Variants in RSF1 observed in about 807,000 individuals in gnomAD.
RSF1 encodes remodeling and spacing factor 1, also known as HBV pX-associated protein 8.
RSF1 carries 13 observed loss-of-function variants against 145.2 expected under a neutral mutation model. That is an observed-to-expected ratio of 0.09 (90% CI 0.06 to 0.14). The LOEUF is 0.14. RSF1 is among the 10% of genes least tolerant of loss of function. The pLI, the probability that RSF1 is intolerant of heterozygous loss-of-function variation, is 1.00. For missense variants in RSF1, 1,517 were observed against 1,718.2 expected, an observed-to-expected ratio of 0.88 and a Z score of 2.07; for synonymous variants, 577 against 592.6, an observed-to-expected ratio of 0.97 and a Z score of 0.38.
Position 77,820,614 on chromosome 11 carries a change from C to T in RSF1, c.101G>A (p.Gly34Glu). Residue 34 changes from glycine to glutamate, a missense_variant, in exon 1 of 16, where the codon GGG becomes GAG. Physicochemically the swap from Gly to Glu is moderately conservative, Grantham distance 98. Transcript: ENST00000308488. ...CAACTCAGGCAGGTCTAGCAGCGGC[C>T]CGTAGCGCTCCAAGAAGGAGCAGAC... ...AVVCSFLERY[G>E]PLLDLPELPF... The T allele has an allele frequency of 6.4e-7, 1 of 1,567,010 alleles. No individual in the cohort carries two copies. The highest frequency in any genetic ancestry group is 1.2e-5 in the South Asian group (1 of 85,226).
intron 4 of RSF1, chr11:77,739,519 C>T (rs952788795): frequency 6.6e-6 from 1 of 152,120 alleles, no homozygotes; most frequent in Non-Finnish European, 1.5e-5. Context: ...GCTTATGAAA[C>T]AATCTCCCAT....
intron 11 of RSF1, among the ~76,000 whole-genome samples, chr11:77,678,928 T>G (rs1959786620): frequency 6.6e-6 from 1 of 152,216 alleles, no homozygotes; most frequent in African/African-American, 2.4e-5. Flanking sequence ...TAAATTTCTG[T>G]TGATTATAGG....
At chr11:77,717,156 C>CA (rs112077337) in intron 5 of RSF1, among the ~76,000 whole-genome samples, 114 of 85,532 alleles carry the variant, frequency 1.3e-3, no homozygotes, top group Non-Finnish European at 1.4e-3. Flanking sequence ...CCAGCATGGG[C>CA]AAAAAAAAAA....
At chr11:77,679,672 CAAAAA>C (rs529571713) in intron 11 of RSF1, among the ~76,000 whole-genome samples, 33 of 84,562 alleles carry the variant, frequency 3.9e-4, no homozygotes, top group African/African-American at 1.1e-3. Context: ...GACCCTGTCT[CAAAAA>C]AAAAAAAAAG....
At chr11:77,847,635 C>T in the RSF1 span, among the ~76,000 whole-genome samples, 1 of 152,152 alleles carries the variant, frequency 6.6e-6, no homozygotes, top group African/African-American at 2.4e-5. Context: ...CAAATGGCTC[C>T]ATCAGAGTGA....
intron 1 of RSF1, among the ~76,000 whole-genome samples, chr11:77,804,773 T>C (rs1264818138): frequency 6.6e-6 from 1 of 152,204 alleles, no homozygotes; most frequent in African/African-American, 2.4e-5. Flanking sequence ...AAGGCTGCAG[T>C]AAGCCGTGAT....
At chr11:77,868,420 G>A in the RSF1 span, among the ~76,000 whole-genome samples, 1 of 126,832 alleles carries the variant, frequency 7.9e-6, no homozygotes, top group Non-Finnish European at 1.6e-5. Flanking sequence ...GTGCAATGGC[G>A]TGATCTCAGC....
intron 2 of RSF1, among the ~76,000 whole-genome samples, chr11:77,758,929 T>C (rs938291923): frequency 2.6e-5 from 4 of 152,240 alleles, no homozygotes; most frequent in Admixed American, 1.3e-4. Context: ...TGTCCTTTGA[T>C]GTACAAATGT....
rs746692949 is a variant in RSF1, at chr11:77,704,148, G to T, written c.734-1653C>A. On this transcript the variant is annotated intron_variant, in intron 5 of 15. Transcript: ENST00000308488. ...GTCTCTACAAAAAATACAAAAAGTA[G>T]CCGGGGCATGGTGGTGTGTGCTTGT... 1.0e-3 allele frequency among the ~76,000 whole-genome samples: 152 copies of T among 152,078 alleles called. 1 individual carries two copies. Among genetic ancestry groups the T allele is most frequent in the Non-Finnish European group, 1.3e-3 (89 of 68,002 alleles).
chr11:77,668,983 G>A (rs544498604), intron 15 of RSF1, among the ~76,000 whole-genome samples: 1 of 152,198 alleles, frequency 6.6e-6, no homozygotes, highest in South Asian at 2.1e-4. Flanking sequence ...TCGACATCTA[G>A]GCTTGGATAT....
chr11:77,811,029 T>C (rs530420008), intron 1 of RSF1, among the ~76,000 whole-genome samples: 12 of 152,278 alleles, frequency 7.9e-5, no homozygotes, highest in African/African-American at 2.9e-4. Flanking sequence ...AGTGCTTGGA[T>C]TGCAGTATGA....
At chr11:77,803,736 C>T (rs935861767) in intron 1 of RSF1, among the ~76,000 whole-genome samples, 3 of 152,012 alleles carry the variant, frequency 2.0e-5, no homozygotes, top group African/African-American at 7.2e-5. Flanking sequence ...CAAGAGCACG[C>T]TACTGCACTC....
chr11:77,741,012 G>A (rs1947929136), intron 3 of RSF1, 76 bp from the exon 4 acceptor site: 1 of 1,101,958 alleles, frequency 9.1e-7, no homozygotes, highest in Non-Finnish European at 1.3e-6. Flanking sequence ...TACAACCGTA[G>A]AATTGATTCA....
intron 6 of RSF1, 93 bp from the exon 7 acceptor site, chr11:77,698,786 C>G (rs1590836960): frequency 1.9e-6 from 2 of 1,036,712 alleles, no homozygotes; most frequent in Non-Finnish European, 2.9e-6. Context: ...TAATATTCAG[C>G]CAATATACCA....
intron 3 of RSF1, among the ~76,000 whole-genome samples, chr11:77,743,320 T>C (rs1219237723): frequency 2.6e-5 from 4 of 152,232 alleles, no homozygotes; most frequent in African/African-American, 9.6e-5. Flanking sequence ...TAGATCACTT[T>C]GGGTAGTACG....
intron 1 of RSF1, among the ~76,000 whole-genome samples, chr11:77,771,500 G>A (rs919226158): frequency 6.6e-6 from 1 of 152,186 alleles, no homozygotes; most frequent in Non-Finnish European, 1.5e-5. Context: ...GGGAGCAAAG[G>A]CCAAGTCTTA....
the RSF1 span, among the ~76,000 whole-genome samples, chr11:77,840,466 T>C: frequency 3.2e-4 from 49 of 152,068 alleles, no homozygotes; most frequent in African/African-American, 1.2e-3. Context: ...GAGGTGGAGG[T>C]TGCAGTGAGC....
chr11:77,704,939 C>T (rs761886746), intron 5 of RSF1, among the ~76,000 whole-genome samples: 21 of 151,798 alleles, frequency 1.4e-4, no homozygotes, highest in East Asian at 5.8e-4. Context: ...TTAGTAGAGG[C>T]GGGGTTTCTC....
chr11:77,683,413 A>G (rs1383466406), intron 11 of RSF1, among the ~76,000 whole-genome samples: 1 of 151,312 alleles, frequency 6.6e-6, no homozygotes. Flanking sequence ...CTCTAAAATT[A>G]TATGACTAGG....
Sources: gnomAD v4.1 joint callset for allele counts (sites outside exome capture counted in the v4.1 genomes callset) on GRCh38, gnomAD v4.1.1 for gene constraint, MANE v1.5 for transcripts, NCBI Gene and HGNC (gene_info 2026-07-23, HGNC 2026-07-21) for gene names.